STAC: variants seen among roughly 807,000 people sequenced by gnomAD.
STAC encodes SH3 and cysteine rich domain, also known as SH3 and cysteine-rich domain-containing protein.
STAC carries 43 observed loss-of-function variants against 48.8 expected under a neutral mutation model. The observed-to-expected ratio is 0.88, with a 90% CI of 0.69 to 1.14. The LOEUF (loss-of-function observed/expected upper bound fraction) is 1.14, where lower values mean the gene tolerates loss of function less well. STAC is among the 50% of genes most tolerant of loss of function. The pLI is 0.00. For synonymous variants in STAC, 193 were observed against 179.5 expected (o/e 1.07, Z -0.60); for missense variants, 497 against 504.0 (o/e 0.99, Z 0.13).
chr3:36,460,005 T>C (rs143158989), intron 2 of STAC, among the ~76,000 whole-genome samples: 4 of 152,258 alleles, frequency 2.6e-5, no homozygotes, highest in Middle Eastern at 3.4e-3. Context: ...ATGCAGTCTC[T>C]ACTTGGCAAC....
At chr3:36,386,775 T>C (rs890322745) in intron 1 of STAC, among the ~76,000 whole-genome samples, 10 of 152,144 alleles carry the variant, frequency 6.6e-5, no homozygotes, top group African/African-American at 2.4e-4. Flanking sequence ...TTAAATGTAA[T>C]GATTTTATTT....
chr3:36,409,002 A>G (rs1182081320), intron 1 of STAC, among the ~76,000 whole-genome samples: 1 of 152,190 alleles, frequency 6.6e-6, no homozygotes. Context: ...CACATAATAT[A>G]GTGGGAAACA....
At chr3:36,406,288 T>A (rs1053620856) in intron 1 of STAC, among the ~76,000 whole-genome samples, 1 of 152,088 alleles carries the variant, frequency 6.6e-6, no homozygotes, top group Non-Finnish European at 1.5e-5. Context: ...CCAGGGAAAG[T>A]GAGAATGGGC....
chr3:36,401,904 G>A (rs1013556778), intron 1 of STAC, among the ~76,000 whole-genome samples: 6 of 152,106 alleles, frequency 3.9e-5, no homozygotes, highest in African/African-American at 1.4e-4. Flanking sequence ...AAGGGGAAAG[G>A]GGATGGACAT....
At chr3:36,439,121 C>T (rs56670799) in intron 1 of STAC, among the ~76,000 whole-genome samples, 1,939 of 152,172 alleles carry the variant, frequency 0.013, 20 homozygotes, top group African/African-American at 0.015. Context: ...AGCATGGGGA[C>T]GGGGATTGGA....
chr3:36,466,697 G>T (rs1489528209), intron 2 of STAC, among the ~76,000 whole-genome samples: 1 of 152,126 alleles, frequency 6.6e-6, no homozygotes, highest in East Asian at 1.9e-4. Flanking sequence ...CATTAGGTTT[G>T]TATCCTAAAA....
rs886528310 is a variant in STAC, at chr3:36,503,607, T to C, written c.767-786T>C. Among the ~76,000 whole-genome samples, 4 of 152,072 alleles carry C rather than the reference T, an allele frequency of 2.6e-5. No homozygotes were observed. The South Asian group carries it at 8.3e-4, about 31-fold the overall frequency. ...TGCCACCATGCTCAGCTAATTTTTGTATTTTAGTAGAGATGGGGTTTCACC... is the reference window on the plus strand; with the variant it reads ...TGCCACCATGCTCAGCTAATTTTTGCATTTTAGTAGAGATGGGGTTTCACC... On this transcript the variant is annotated intron_variant, in intron 6 of 10. Transcript: ENST00000273183.
At chr3:36,464,282 T>G (rs1697102326) in intron 2 of STAC, among the ~76,000 whole-genome samples, 1 of 152,200 alleles carries the variant, frequency 6.6e-6, no homozygotes, top group Non-Finnish European at 1.5e-5. Context: ...ATGATGAGCA[T>G]TTTTTCATGT....
At chr3:36,424,982 G>C (rs768384337) in intron 1 of STAC, among the ~76,000 whole-genome samples, 2 of 151,986 alleles carry the variant, frequency 1.3e-5, no homozygotes. Context: ...CAGACAGCAG[G>C]TAATAAGTTT....
chr3:36,477,163 A>G (rs1697515056), intron 2 of STAC, among the ~76,000 whole-genome samples: 1 of 152,178 alleles, frequency 6.6e-6, no homozygotes, highest in Non-Finnish European at 1.5e-5. Flanking sequence ...CATCAAATAA[A>G]TTATAGGACT....
intron 8 of STAC, among the ~76,000 whole-genome samples, chr3:36,519,917 A>G (rs1324230744): frequency 6.6e-6 from 1 of 152,248 alleles, no homozygotes; most frequent in Non-Finnish European, 1.5e-5. Context: ...ATAACTGACT[A>G]TATTCCACCA....
chr3:36,444,847 C>T (rs546359898), intron 2 of STAC, among the ~76,000 whole-genome samples: 20 of 152,174 alleles, frequency 1.3e-4, no homozygotes, highest in East Asian at 1.9e-4. Context: ...CATCTCCATA[C>T]GGACTTAATG....
chr3:36,451,002 C>CT (rs1334295385), intron 2 of STAC, among the ~76,000 whole-genome samples: 6 of 151,796 alleles, frequency 4.0e-5, no homozygotes, highest in African/African-American at 1.5e-4. Context: ...TTTTAGATTT[C>CT]TTTTTTGCCC....
At chr3:36,392,849 G>A (rs898843581) in intron 1 of STAC, among the ~76,000 whole-genome samples, 6 of 152,154 alleles carry the variant, frequency 3.9e-5, no homozygotes, top group African/African-American at 1.4e-4. Context: ...ATCCCAGGGA[G>A]GTCTCATCTG....
chr3:36,521,726 C>A (rs150797396), intron 8 of STAC, among the ~76,000 whole-genome samples: 154 of 152,206 alleles, frequency 1.0e-3, no homozygotes, highest in African/African-American at 3.6e-3. Flanking sequence ...TTCTAATTTA[C>A]AAGTGGAAAA....
chr3:36,494,584 C>T (rs1307263378), intron 6 of STAC, among the ~76,000 whole-genome samples: 1 of 152,192 alleles, frequency 6.6e-6, no homozygotes, highest in East Asian at 1.9e-4. Flanking sequence ...TCCCACAAGG[C>T]ACCATGTGCT....
chr3:36,390,221 C>A (rs146257290), intron 1 of STAC, among the ~76,000 whole-genome samples: 1,587 of 152,252 alleles, frequency 0.01, 17 homozygotes, highest in Non-Finnish European at 0.018. Context: ...TGGTGCACTG[C>A]AAATTCAACT....
chr3:36,398,320 C>CAAGCAAGCAAGAAAGAAAGAAAGA (rs1699898474), intron 1 of STAC, among the ~76,000 whole-genome samples: 1 of 82,170 alleles, frequency 1.2e-5, no homozygotes, highest in Non-Finnish European at 2.5e-5. Flanking sequence ...AGAAAGAAAG[C>CAAGCAAGCAAGAAAGAAAGAAAGA]AAGAAAGAAA....
chr3:36,495,629 G>A (rs1362053018), intron 6 of STAC, among the ~76,000 whole-genome samples: 1 of 152,224 alleles, frequency 6.6e-6, no homozygotes, highest in East Asian at 1.9e-4. Context: ...CTATGCTGTT[G>A]CTCACCAATT....
Sources: allele counts gnomAD v4.1 joint callset (sites outside exome capture counted in the v4.1 genomes callset), GRCh38; gene constraint gnomAD v4.1.1; transcripts MANE v1.5; gene names NCBI Gene and HGNC (gene_info 2026-07-23, HGNC 2026-07-21).